PATZ1: variants seen among roughly 807,000 people sequenced by gnomAD.
PATZ1 encodes POZ/BTB and AT hook containing zinc finger 1, also known as POZ-, AT hook-, and zinc finger-containing protein 1.
PATZ1 carries 9 observed loss-of-function variants against 46.2 expected under a neutral mutation model. The ratio of observed to expected loss-of-function variants is 0.19; its 90% confidence interval spans 0.12 to 0.34. The LOEUF is 0.34. Among genes scored for constraint, PATZ1 ranks in the 10% least tolerant of loss-of-function variants. The pLI, the probability that PATZ1 is intolerant of heterozygous loss-of-function variation, is 1.00. For synonymous variants in PATZ1, 426 were observed against 378.6 expected, an observed-to-expected ratio of 1.13 and a Z score of -1.45; for missense variants, 632 against 923.0, an observed-to-expected ratio of 0.68 and a Z score of 4.08.
rs541653389 is a variant in PATZ1, at chr22:31,328,617, G to T, written c.1645+170C>A. ...CTAAAGCCTCACTCACTGCCCTGGA[G>T]TGAGATACCCACTGTGACTTTTGTC... On this transcript the variant is annotated intron_variant, in intron 4 of 4. Coordinates refer to ENST00000266269, the MANE Select transcript of PATZ1 (RefSeq NM_014323.3). This position sits in a 1 kb window ranked among gnomAD's most constrained non-coding sequence, Gnocchi z 4.8. Among the ~76,000 whole-genome samples, 34 of 152,302 alleles carry T rather than the reference G, an allele frequency of 2.2e-4. No individual in the cohort carries two copies. Among genetic ancestry groups the T allele is most frequent in the South Asian group, 6.2e-4 (3 of 4,830 alleles).
chr22:31,342,392 A>G (rs997010009), intron 2 of PATZ1, among the ~76,000 whole-genome samples: 13 of 151,890 alleles, frequency 8.6e-5, no homozygotes, highest in African/African-American at 3.1e-4. Flanking sequence ...CCCACTCCCT[A>G]CCTCCTACCT....
At chr22:31,337,111 A>C (rs1314094949) in intron 2 of PATZ1, among the ~76,000 whole-genome samples, 1 of 149,986 alleles carries the variant, frequency 6.7e-6, no homozygotes, top group African/African-American at 2.4e-5. Context: ...CTCCGTCTCA[A>C]AAAAAAAAAG....
chr22:31,327,894 G>A lies in PATZ1; in HGVS notation c.1646-585C>T, dbSNP rs2049387608. ...CTTCCTTCTGCCAAAACCTTTTCAG[G>A]GCCAAGCAGCCCAAGCACAGAGATT... On this transcript the variant is annotated intron_variant, in intron 4 of 4. Coordinates refer to ENST00000266269, the MANE Select transcript of PATZ1 (RefSeq NM_014323.3). This position sits in a 1 kb window ranked among gnomAD's most constrained non-coding sequence, Gnocchi z 4.2. Among the ~76,000 whole-genome samples, 1 of 152,114 alleles carries A rather than the reference G, an allele frequency of 6.6e-6. No homozygotes were observed. Among genetic ancestry groups the A allele is most frequent in the East Asian group, 1.9e-4 (1 of 5,180 alleles).
chr22:31,336,881 G>A (rs1266116555), intron 2 of PATZ1, among the ~76,000 whole-genome samples: 1 of 151,544 alleles, frequency 6.6e-6, no homozygotes, highest in Non-Finnish European at 1.5e-5. Context: ...AGGCTGAGGC[G>A]GGCGGATCAC....
In PATZ1 at chr22:31,327,375, G is replaced by T. The variant is rs1392284923; in HGVS notation, c.1646-66C>A. The T allele has an allele frequency of 2.2e-6, 3 of 1,355,008 alleles. No homozygotes were observed. The highest frequency in any genetic ancestry group is 2.9e-5 in the African/African-American group (2 of 69,262). The allele number at this position is 1,355,008 out of a possible 1,614,324, so 83.9% of individuals were successfully genotyped here. Reference sequence around the variant, plus strand: ...TCTGGAGATGCCCCCTCCTGGAGGGGTCATGAGGGGCCAGCTCACAGACCT... The same window carrying T: ...TCTGGAGATGCCCCCTCCTGGAGGGTTCATGAGGGGCCAGCTCACAGACCT... On this transcript the variant is annotated intron_variant, in intron 4 of 4. Coordinates refer to ENST00000266269, the MANE Select transcript of PATZ1 (RefSeq NM_014323.3). The surrounding 1 kb of genome is among the most constrained non-coding windows in gnomAD (Gnocchi z 4.2).
At position 31,328,997 on chromosome 22, in the gene PATZ1, C is replaced by T; in HGVS notation, c.1508-73G>A. On this transcript the variant is annotated intron_variant, in intron 3 of 4. Coordinates refer to ENST00000266269, the MANE Select transcript of PATZ1 (RefSeq NM_014323.3). This position sits in a 1 kb window ranked among gnomAD's most constrained non-coding sequence, Gnocchi z 4.8. Reference sequence around the variant, plus strand: ...CTCTCTCCTTCCCCCAACTCCTCTCCTCTGGCCGCTCTGGCTAGCATTCCC... The same window carrying T: ...CTCTCTCCTTCCCCCAACTCCTCTCTTCTGGCCGCTCTGGCTAGCATTCCC... The T allele has an allele frequency of 6.9e-7, 1 of 1,457,368 alleles. No individual in the cohort carries two copies. Among genetic ancestry groups the T allele is most frequent in the African/African-American group, 1.4e-5 (1 of 71,162 alleles). 90.3% of individuals were successfully genotyped at this position (1,457,368 alleles called of 1,614,324 possible).
chr22:31,328,104 G>A lies in PATZ1; in HGVS notation c.1645+683C>T, dbSNP rs777537985. Among the ~76,000 whole-genome samples, 24 of 152,172 alleles carry A rather than the reference G, an allele frequency of 1.6e-4. No individual in the cohort carries two copies. The highest frequency in any genetic ancestry group is 3.4e-4 in the Non-Finnish European group (23 of 68,038). On this transcript the variant is annotated intron_variant, in intron 4 of 4. Coordinates refer to ENST00000266269, the MANE Select transcript of PATZ1 (RefSeq NM_014323.3). The surrounding 1 kb of genome is among the most constrained non-coding windows in gnomAD (Gnocchi z 4.8). ...GAAGGGAGGTCTGTGATGGGAGCAT[G>A]GAGCATGCCATCTCTGCTGTTTCTA...
rs756897046 is a variant in PATZ1 at position 31,345,571 on chromosome 22, G to A, written c.32C>T (p.Pro11Leu). The A allele has an allele frequency of 1.8e-5, 29 of 1,597,668 alleles. No individual in the cohort carries two copies. Among genetic ancestry groups the A allele is most frequent in the African/African-American group, 2.7e-5 (2 of 74,552 alleles). The part of the protein sequence containing the change: MERVNDASCG[P>L]SGCYTYQVSR... ...CACCTGGTATGTGTAGCAGCCAGAC[G>A]GGCCGCACGAAGCGTCGTTCACCCG... is the stretch of plus-strand genomic sequence containing the variant. Residue 11 changes from proline to leucine, a missense_variant, in exon 1 of 5, where the codon CCG becomes CTG. By Grantham distance (98) the Pro-to-Leu change is moderately conservative (BLOSUM62 -3). Transcript: ENST00000266269. This position sits in a 1 kb window ranked among gnomAD's most constrained non-coding sequence, Gnocchi z 7.4.
Position 31,327,728 on chromosome 22 carries a change from T to G in PATZ1, c.1646-419A>C, listed in dbSNP as rs908625975. ...GAGCCAGTGTAATAGTAGCCTCGCC[T>G]CCTGCACCAGACTAGCTGCACCCTA... On this transcript the variant is annotated intron_variant, in intron 4 of 4. Transcript: ENST00000266269. The surrounding 1 kb of genome is among the most constrained non-coding windows in gnomAD (Gnocchi z 4.2). Among the ~76,000 whole-genome samples the G allele has an allele frequency of 2.6e-5, 4 of 152,242 alleles. No individual in the cohort carries two copies. Among genetic ancestry groups the G allele is most frequent in the African/African-American group, 9.6e-5 (4 of 41,542 alleles).
rs2049503829 is a variant in PATZ1 at position 31,335,935 on chromosome 22, AT to A, written c.1336-73del. 11 of 1,451,602 alleles carry A rather than the reference AT, an allele frequency of 7.6e-6. No individual in the cohort carries two copies. In the South Asian group the frequency reaches 1.3e-4, roughly 17 times the overall value. 89.9% of individuals were successfully genotyped at this position (1,451,602 alleles called of 1,614,324 possible). ...CACCTGACTCCCCACCAAGTGCACC[AT>A]GAAGCAAAGGCAATTTCTGGCCATC... On this transcript the variant is annotated intron_variant, in intron 2 of 4. Transcript: ENST00000266269.
At chr22:31,343,496 C>G in intron 1 of PATZ1, 1 of 945,780 alleles carries the variant, frequency 1.1e-6, no homozygotes, top group Non-Finnish European at 1.3e-6. Context: ...TGGGCAGGGG[C>G]TGCCTGACCG....
At chr22:31,343,262 C>G in intron 1 of PATZ1, 1 of 1,133,462 alleles carries the variant, frequency 8.8e-7, no homozygotes. Flanking sequence ...GAGGCGGTGG[C>G]AGTAGAATGA....
At position 31,345,004 on chromosome 22, in the gene PATZ1, T is replaced by G. The variant is rs1282168710; in HGVS notation, c.599A>C (p.Asn200Thr). ...TNGAALAANSNGIAGSMQPEE... is the reference protein window; with the variant it reads ...TNGAALAANSTGIAGSMQPEE... The stretch of plus-strand genomic sequence containing the variant: ...TGGCTGCATGCTGCCGGCGATGCCA[T>G]TGCTGTTGGCTGCCAAGGCTGCCCC... Residue 200 changes from asparagine to threonine, a missense_variant, in exon 1 of 5, where the codon AAT (asparagine) becomes ACT (threonine). Asn to Thr is a moderately conservative substitution (Grantham distance 65, BLOSUM62 0). Around this residue, in one of 7 missense-constraint regions of PATZ1, gnomAD observed 279 missense variants for 284.3 expected, o/e 0.98. Coordinates refer to ENST00000266269, the MANE Select transcript of PATZ1 (RefSeq NM_014323.3). The surrounding 1 kb of genome is among the most constrained non-coding windows in gnomAD (Gnocchi z 7.4). The G allele has an allele frequency of 1.9e-6, 3 of 1,613,964 alleles. No homozygotes were observed. The highest frequency in any genetic ancestry group is 2.5e-6 in the Non-Finnish European group (3 of 1,180,036).
At chr22:31,333,849 C>A (rs1295697911) in intron 3 of PATZ1, among the ~76,000 whole-genome samples, 1 of 152,214 alleles carries the variant, frequency 6.6e-6, no homozygotes, top group Non-Finnish European at 1.5e-5. Context: ...TTTGCCACAT[C>A]AGCTGCTTCC....
Position 31,345,934 on chromosome 22 carries a change from T to TGCCACCTCCCCTCCCGCCC in PATZ1, c.-351_-333dup, listed in dbSNP as rs1467646317. Reference sequence around the variant, plus strand: ...GGTGCGCCCCTCCTGCAAACGCGCCTGCCACCTCCCCTCCCGCCCGCCAGG... The same window carrying TGCCACCTCCCCTCCCGCCC: ...GGTGCGCCCCTCCTGCAAACGCGCCTGCCACCTCCCCTCCCGCCCGCCACCTCCCCTCCCGCCCGCCAGG... On this transcript the variant is annotated 5_prime_UTR_variant, in exon 1 of 5. Coordinates refer to ENST00000266269, the MANE Select transcript of PATZ1 (RefSeq NM_014323.3). The surrounding 1 kb of genome is among the most constrained non-coding windows in gnomAD (Gnocchi z 7.4). 2 of 277,444 alleles carry TGCCACCTCCCCTCCCGCCC rather than the reference T, an allele frequency of 7.2e-6. No homozygotes were observed. The highest frequency in any genetic ancestry group is 1.3e-5 in the Non-Finnish European group (2 of 148,380). The allele number at this position is 277,444 out of a possible 1,614,324, so 17.2% of individuals were successfully genotyped here.
At chr22:31,340,664 A>G in intron 2 of PATZ1, 1 of 1,020,476 alleles carries the variant, frequency 9.8e-7, no homozygotes, top group Non-Finnish European at 1.2e-6. Flanking sequence ...GACAAAACAC[A>G]CAAAGCCTCA....
In PATZ1 at chr22:31,342,848, G is replaced by A. The variant is rs564579354; in HGVS notation, c.1335+49C>T. On this transcript the variant is annotated intron_variant, in intron 2 of 4. Coordinates refer to ENST00000266269, the MANE Select transcript of PATZ1 (RefSeq NM_014323.3). ...GGCTGGCTCAAGGCTGCGACCGTGAGAACAGCATCATCTCCTTCAGCCCAT... is the reference window on the plus strand; with the variant it reads ...GGCTGGCTCAAGGCTGCGACCGTGAAAACAGCATCATCTCCTTCAGCCCAT... 17 of 1,605,404 alleles carry A rather than the reference G, an allele frequency of 1.1e-5. No homozygotes were observed. In the East Asian group the frequency reaches 3.1e-4, roughly 30 times the overall value.
intron 2 of PATZ1, chr22:31,337,640 T>G (rs1006836012): frequency 2.6e-5 from 4 of 152,072 alleles, no homozygotes; most frequent in African/African-American, 7.2e-5. Context: ...CTCATTTCTT[T>G]TGTGTGTGTG....
chr22:31,329,016 C>T, intron 3 of PATZ1, 92 bp from the exon 4 acceptor site: 1 of 1,375,520 alleles, frequency 7.3e-7, no homozygotes. Context: ...CTCTGGCTAG[C>T]ATTCCCAGGT....
Sources: allele counts gnomAD v4.1 joint callset (sites outside exome capture counted in the v4.1 genomes callset), GRCh38; gene constraint gnomAD v4.1.1; regional missense constraint gnomAD v4.1.1; non-coding constraint Gnocchi (gnomAD v3.1); transcripts MANE v1.5; gene names NCBI Gene and HGNC (gene_info 2026-07-23, HGNC 2026-07-21).